RBFOX1: variants seen among roughly 807,000 people sequenced by gnomAD.
RBFOX1 encodes the protein RNA binding fox-1 homolog 1.
In RBFOX1, 8 loss-of-function variants were observed where a neutral mutation model predicts 57.7. The observed-to-expected ratio is 0.14, with a 90% CI of 0.08 to 0.25. RBFOX1 has a LOEUF of 0.25. Among genes scored for constraint, RBFOX1 ranks in the 10% least tolerant of loss-of-function variants. The probability of loss-of-function intolerance (pLI) is 1.00; values close to 1 mark genes in which losing one functional copy is unlikely to be tolerated. For missense variants in RBFOX1, 611 were observed against 548.5 expected (o/e 1.11, Z -1.14); for synonymous variants, 326 against 222.4 (o/e 1.47, Z -4.15).
chr16:6,213,373 A>G (rs1236029602), intron 1 of RBFOX1, among the ~76,000 whole-genome samples: 1 of 152,006 alleles, frequency 6.6e-6, no homozygotes, highest in African/African-American at 2.4e-5. Flanking sequence ...TGGGTAACAG[A>G]TTTCTGAAGC....
intron 2 of RBFOX1, among the ~76,000 whole-genome samples, chr16:6,423,000 T>C (rs77688321): frequency 0.012 from 1,887 of 152,374 alleles, 20 homozygotes; most frequent in Non-Finnish European, 0.018. Flanking sequence ...TTTTCTTTTT[T>C]ATGGCTGCAT....
chr16:7,090,191 A>G (rs2060594733), intron 4 of RBFOX1, among the ~76,000 whole-genome samples: 1 of 152,354 alleles, frequency 6.6e-6, no homozygotes, highest in South Asian at 2.1e-4. Flanking sequence ...CTACTGTCTC[A>G]TGGATATAAA....
chr16:7,223,233 C>A (rs1020153027), intron 4 of RBFOX1, among the ~76,000 whole-genome samples: 1 of 152,158 alleles, frequency 6.6e-6, no homozygotes, highest in Non-Finnish European at 1.5e-5. Flanking sequence ...AGATCAGAAG[C>A]ATGAGAGGGT....
chr16:5,286,463 C>G (rs2063397879), intron 1 of RBFOX1, among the ~76,000 whole-genome samples: 1 of 152,132 alleles, frequency 6.6e-6, no homozygotes. Context: ...CTCCAGGCCC[C>G]CAGATGGTAC....
intron 1 of RBFOX1, among the ~76,000 whole-genome samples, chr16:6,149,974 G>A (rs1371838680): frequency 6.6e-6 from 1 of 152,192 alleles, no homozygotes; most frequent in African/African-American, 2.4e-5. Context: ...CAAACTCTTA[G>A]GGGATCGCAG....
chr16:6,610,522 G>T (rs1032046576), intron 2 of RBFOX1, among the ~76,000 whole-genome samples: 1 of 151,974 alleles, frequency 6.6e-6, no homozygotes, highest in South Asian at 2.1e-4. Flanking sequence ...TAGAGATGAG[G>T]ACTCCCTTTG....
chr16:5,835,931 A>T (rs1379535548), intron 3 of RBFOX1, among the ~76,000 whole-genome samples: 1 of 152,038 alleles, frequency 6.6e-6, no homozygotes, highest in African/African-American at 2.4e-5. Flanking sequence ...GCCGCCCATG[A>T]GTCTTGGCGT....
chr16:5,599,091 A>C (rs1379877595), exon 3 of RBFOX1: 1 of 912,644 alleles, frequency 1.1e-6, no homozygotes, highest in Non-Finnish European at 1.7e-6. Context: ...TGGAGAATTA[A>C]CTGGGTTTGA....
At chr16:5,607,779 G>A (rs1443749931) in intron 3 of RBFOX1, among the ~76,000 whole-genome samples, 1 of 152,088 alleles carries the variant, frequency 6.6e-6, no homozygotes, top group Non-Finnish European at 1.5e-5. Context: ...CTCTATAAAT[G>A]GACCCCTGCA....
At position 5,510,290 on chromosome 16, in the gene RBFOX1, C is replaced by T. The variant is rs189492085; in HGVS notation, c.258+43036C>T. Among the ~76,000 whole-genome samples the T allele has an allele frequency of 3.9e-5, 6 of 152,322 alleles. No homozygotes were observed. The East Asian group carries it at 1.2e-3, about 29-fold the overall frequency. On this transcript the variant is annotated intron_variant, in intron 2 of 2. Transcript: ENST00000585867. ...GTGCAGCTGTGAGTTGCGTGGGGTTCAGCAGATCTTGCCTGGGGTTGGCTG... is the reference window on the plus strand; with the variant it reads ...GTGCAGCTGTGAGTTGCGTGGGGTTTAGCAGATCTTGCCTGGGGTTGGCTG...
intron 4 of RBFOX1, among the ~76,000 whole-genome samples, chr16:7,288,174 G>T (rs2095687856): frequency 6.6e-6 from 1 of 152,180 alleles, no homozygotes; most frequent in Non-Finnish European, 1.5e-5. Context: ...CCCTGGGGAA[G>T]CGGCACCTAC....
chr16:5,998,833 G>C (rs184243877), intron 4 of RBFOX1, among the ~76,000 whole-genome samples: 1 of 152,118 alleles, frequency 6.6e-6, no homozygotes, highest in Non-Finnish European at 1.5e-5. Flanking sequence ...ATAAATTCAC[G>C]TGTCATATTG....
In RBFOX1 at chr16:5,367,802, G is replaced by A. The variant is rs754600645; in HGVS notation, c.220-99414G>A. On this transcript the variant is annotated intron_variant, in intron 1 of 2. Coordinates refer to the RBFOX1 transcript ENST00000585867. ...TTGCCCATGGTCCCACATCCAGAAA[G>A]TAACACAGTAGACTCTTAAACCTGG... is the stretch of plus-strand genomic sequence containing the variant. 1.1e-4 allele frequency among the ~76,000 whole-genome samples: 17 copies of A among 152,182 alleles called. No individual in the cohort carries two copies. The South Asian group carries it at 3.5e-3, about 32-fold the overall frequency.
At chr16:6,975,579 A>G (rs2153577722) in intron 3 of RBFOX1, among the ~76,000 whole-genome samples, 1 of 152,268 alleles carries the variant, frequency 6.6e-6, no homozygotes, top group South Asian at 2.1e-4. Flanking sequence ...AAGTGCCCAT[A>G]TGTTGATAGC....
In RBFOX1 at chr16:6,892,680, CAAA is replaced by C. The variant is rs566418231; in HGVS notation, c.-15-159373_-15-159371del. ...GCAGGGCTGTCTCGAAACAAACAAACAAAAAAGCCTGAGAGTGAAGTACAGTGC... is the reference window on the plus strand; with the variant it reads ...GCAGGGCTGTCTCGAAACAAACAAACAAAGCCTGAGAGTGAAGTACAGTGC... On this transcript the variant is annotated intron_variant, in intron 3 of 15. Coordinates refer to ENST00000550418, the MANE Select transcript of RBFOX1 (RefSeq NM_018723.4). Among the ~76,000 whole-genome samples the C allele has an allele frequency of 6.2e-3, 899 of 144,364 alleles. 9 individuals are homozygous for C. Among genetic ancestry groups the C allele is most frequent in the South Asian group, 0.03 (137 of 4,578 alleles). The allele number at this position is 144,364 out of a possible 152,430, so 94.7% of individuals were successfully genotyped here.
chr16:5,285,698 G>A (rs1336374513), intron 1 of RBFOX1, among the ~76,000 whole-genome samples: 1 of 152,150 alleles, frequency 6.6e-6, no homozygotes, highest in Non-Finnish European at 1.5e-5. Flanking sequence ...GATATAGTCT[G>A]CATATGATTT....
intron 3 of RBFOX1, among the ~76,000 whole-genome samples, chr16:5,705,536 C>T (rs759343007): frequency 9.2e-5 from 14 of 152,164 alleles, no homozygotes; most frequent in South Asian, 4.1e-4. Context: ...TCTGTAATCA[C>T]GAGCGAAACA....
chr16:6,093,515 A>C (rs2096205526), intron 1 of RBFOX1, among the ~76,000 whole-genome samples: 2 of 152,208 alleles, frequency 1.3e-5, no homozygotes, highest in South Asian at 4.1e-4. Flanking sequence ...ATGGGGGTTA[A>C]GGATAGTGAT....
At chr16:5,823,763 C>T (rs1302028176) in intron 3 of RBFOX1, among the ~76,000 whole-genome samples, 1 of 152,208 alleles carries the variant, frequency 6.6e-6, no homozygotes, top group East Asian at 1.9e-4. Flanking sequence ...TGATCTGTCA[C>T]TGTCTCCCAT....
Sources: allele counts gnomAD v4.1 joint callset (sites outside exome capture counted in the v4.1 genomes callset), GRCh38; gene constraint gnomAD v4.1.1; transcripts MANE v1.5; gene names NCBI Gene and HGNC (gene_info 2026-07-23, HGNC 2026-07-21).